The following TENM4 variants were observed in gnomAD, a reference collection of about 807,000 sequenced individuals.
TENM4 encodes the protein teneurin-4.
A neutral mutation model predicts 243.3 loss-of-function variants in TENM4; 82 were observed. That is an observed-to-expected ratio of 0.34 (90% CI 0.28 to 0.40). The LOEUF is 0.40. TENM4 is among the 10% of genes least tolerant of loss of function. TENM4 has a pLI of 1.00. For missense variants in TENM4, 3,138 were observed against 3,673.3 expected (o/e 0.85, Z 3.77); for synonymous variants, 1,412 against 1,456.3 (o/e 0.97, Z 0.69).
At chr11:79,294,518 A>G (rs1856413108) in intron 2 of TENM4, among the ~76,000 whole-genome samples, 1 of 152,138 alleles carries the variant, frequency 6.6e-6, no homozygotes, top group Non-Finnish European at 1.5e-5. Context: ...GTTTTCTGCA[A>G]TCTCACAGAG....
intron 1 of TENM4, among the ~76,000 whole-genome samples, chr11:79,415,580 C>G (rs1858795323): frequency 6.6e-6 from 1 of 152,176 alleles, no homozygotes; most frequent in African/African-American, 2.4e-5. Flanking sequence ...GCTTAAGTAG[C>G]TTGCCCAAGG....
At chr11:79,124,438 C>T (rs1299458860) in intron 4 of TENM4, among the ~76,000 whole-genome samples, 1 of 152,132 alleles carries the variant, frequency 6.6e-6, no homozygotes, top group Non-Finnish European at 1.5e-5. Context: ...CTACATCTTT[C>T]TCCTGTGCTG....
chr11:79,345,723 T>C (rs1272464463), intron 1 of TENM4, among the ~76,000 whole-genome samples: 1 of 152,240 alleles, frequency 6.6e-6, no homozygotes, highest in Non-Finnish European at 1.5e-5. Flanking sequence ...TCATACATTA[T>C]TGAGAAGTTC....
chr11:79,374,846 G>A (rs1278130484), intron 1 of TENM4, among the ~76,000 whole-genome samples: 2 of 152,180 alleles, frequency 1.3e-5, no homozygotes, highest in Non-Finnish European at 2.9e-5. Context: ...CGAAGCAGGC[G>A]AATGCGGTTG....
chr11:78,893,802 C>CACACACACACACA (rs1273308220), intron 7 of TENM4, among the ~76,000 whole-genome samples: 2 of 151,766 alleles, frequency 1.3e-5, no homozygotes, highest in Admixed American at 6.6e-5. Context: ...CACACACACT[C>CACACACACACACA]CTCTCTTTCT....
chr11:79,105,109 G>T (rs912303150), intron 4 of TENM4, among the ~76,000 whole-genome samples: 1 of 152,160 alleles, frequency 6.6e-6, no homozygotes, highest in African/African-American at 2.4e-5. Flanking sequence ...ATATAGCACA[G>T]GTGTGAGCCA....
At chr11:79,264,210 C>T (rs368783301) in intron 2 of TENM4, among the ~76,000 whole-genome samples, 1 of 152,106 alleles carries the variant, frequency 6.6e-6, no homozygotes, top group Non-Finnish European at 1.5e-5. Context: ...AAAACATGGC[C>T]GGCACGGGTG....
intron 6 of TENM4, among the ~76,000 whole-genome samples, chr11:78,918,969 C>T (rs1486930920): frequency 6.6e-6 from 1 of 152,154 alleles, no homozygotes; most frequent in Non-Finnish European, 1.5e-5. Context: ...CTTAGCCTCT[C>T]TGAGTGTCAT....
chr11:79,358,636 T>C (rs2135489256), intron 1 of TENM4, among the ~76,000 whole-genome samples: 1 of 151,734 alleles, frequency 6.6e-6, no homozygotes, highest in East Asian at 1.9e-4. Flanking sequence ...CCTGCCTTCC[T>C]TCCCTCCTGC....
Position 79,123,599 on chromosome 11 carries a change from CT to C in TENM4, c.-66+25110del, listed in dbSNP as rs35553883. On this transcript the variant is annotated intron_variant, in intron 4 of 33. Transcript: ENST00000278550. ...TCTCTCCAGACAAACGCAGTAGCCC[CT>C]TTTTTTTTTTTTTTTATTAAGAATT... Among the ~76,000 whole-genome samples the C allele has an allele frequency of 0.013, 1,822 of 143,742 alleles. 42 individuals are homozygous for C. In the East Asian group the frequency reaches 0.13, roughly 10 times the overall value. The allele number at this position is 143,742 out of a possible 152,430, so 94.3% of individuals were successfully genotyped here.
intron 1 of TENM4, among the ~76,000 whole-genome samples, chr11:79,372,315 TA>T (rs1176848460): frequency 1.3e-5 from 2 of 152,162 alleles, no homozygotes; most frequent in Non-Finnish European, 2.9e-5. Flanking sequence ...TCTTTTGCAG[TA>T]AAATGTAATA....
chr11:79,095,577 G>A (rs183989318), intron 4 of TENM4, among the ~76,000 whole-genome samples: 54 of 152,250 alleles, frequency 3.5e-4, no homozygotes, highest in African/African-American at 1.1e-3. Context: ...CAACCTGCCA[G>A]GAGACCCAGG....
At chr11:79,165,817 A>C (rs942806275) in intron 3 of TENM4, among the ~76,000 whole-genome samples, 1 of 152,152 alleles carries the variant, frequency 6.6e-6, no homozygotes, top group African/African-American at 2.4e-5. Context: ...ATTTTTGTAT[A>C]AGGTGAGAGA....
In TENM4 at chr11:79,440,860, A is replaced by AGT. The variant is rs71050222; in HGVS notation, c.-674_-673dup. On this transcript the variant is annotated 5_prime_UTR_variant, in exon 1 of 34. Transcript: ENST00000278550. The surrounding 1 kb of genome is among the most constrained non-coding windows in gnomAD (Gnocchi z 4.7). ...GCGGGTGTGTGCGCGCGCGTGTGTGAGTGTGTGTGTGTGTGTGTGTGTTTA... is the reference window on the plus strand; with the variant it reads ...GCGGGTGTGTGCGCGCGCGTGTGTGAGTGTGTGTGTGTGTGTGTGTGTGTTTA... 67,736 of 149,640 alleles carry AGT rather than the reference A, an allele frequency of 0.45. 15,128 individuals are homozygous for AGT. The highest frequency in any genetic ancestry group is 0.46 in the Non-Finnish European group (31,241 of 67,658). 9.3% of individuals were successfully genotyped at this position (149,640 alleles called of 1,614,324 possible). A position where few individuals can be genotyped will look rare whatever the true frequency, so the allele number is the denominator to read the frequency against.
chr11:78,886,132 A>G (rs1855542936), intron 9 of TENM4, among the ~76,000 whole-genome samples: 1 of 152,220 alleles, frequency 6.6e-6, no homozygotes, highest in Non-Finnish European at 1.5e-5. Flanking sequence ...AAGGTTATTC[A>G]TAATTCTTAA....
At chr11:78,836,264 C>T (rs752517356) in intron 12 of TENM4, among the ~76,000 whole-genome samples, 4 of 152,280 alleles carry the variant, frequency 2.6e-5, no homozygotes, top group Non-Finnish European at 2.9e-5. Flanking sequence ...GCAGGAGACT[C>T]GCTTGAATGC....
intron 9 of TENM4, among the ~76,000 whole-genome samples, chr11:78,879,066 T>C (rs191428678): frequency 2.1e-3 from 298 of 143,604 alleles, no homozygotes; most frequent in African/African-American, 7.1e-3. Flanking sequence ...AAGTGAGGAG[T>C]GCCTCTGCCC....
intron 1 of TENM4, among the ~76,000 whole-genome samples, chr11:79,370,948 C>T (rs1857773016): frequency 1.3e-5 from 2 of 151,910 alleles, no homozygotes; most frequent in Non-Finnish European, 2.9e-5. Context: ...TTCCAATTGA[C>T]AAGAAAATGT....
At chr11:79,038,074 G>A (rs1048420667) in intron 6 of TENM4, among the ~76,000 whole-genome samples, 1 of 152,190 alleles carries the variant, frequency 6.6e-6, no homozygotes, top group African/African-American at 2.4e-5. Flanking sequence ...GTCAAAGCTG[G>A]ACAAAGGAAG....
Sources: gnomAD v4.1 joint callset for allele counts (sites outside exome capture counted in the v4.1 genomes callset) on GRCh38, gnomAD v4.1.1 for gene constraint, Gnocchi (gnomAD v3.1) non-coding constraint, MANE v1.5 for transcripts, NCBI Gene and HGNC (gene_info 2026-07-23, HGNC 2026-07-21) for gene names.